CUX2: variants seen among roughly 807,000 people sequenced by gnomAD.
CUX2 encodes the protein cut like homeobox 2, also known as homeobox protein cut-like 2.
Under a neutral mutation model 144.8 loss-of-function variants are expected in CUX2, and 40 were observed. The ratio of observed to expected loss-of-function variants is 0.28; its 90% CI spans 0.21 to 0.36. CUX2 has a LOEUF of 0.36. CUX2 is among the 10% of genes least tolerant of loss of function. The pLI, the probability that CUX2 is intolerant of heterozygous loss-of-function variation, is 1.00. For missense variants in CUX2, 1,615 were observed against 1,994.0 expected (o/e 0.81, Z 3.62); for synonymous variants, 827 against 875.6 (o/e 0.94, Z 0.98).
intron 1 of CUX2, among the ~76,000 whole-genome samples, chr12:111,104,815 A>G (rs1018663949): frequency 1.3e-5 from 2 of 152,196 alleles, no homozygotes; most frequent in African/African-American, 4.8e-5. Context: ...ACCAAGAGTC[A>G]GATTGGCCCC....
chr12:111,291,801 A>C (rs953587373), intron 5 of CUX2, among the ~76,000 whole-genome samples: 2 of 152,136 alleles, frequency 1.3e-5, no homozygotes, highest in Admixed American at 6.5e-5. Context: ...TGAACAAATT[A>C]GTAAGACTCA....
At chr12:111,316,617 T>A (rs190538294) in intron 16 of CUX2, among the ~76,000 whole-genome samples, 7,737 of 151,694 alleles carry the variant, frequency 0.051, 209 homozygotes, top group South Asian at 0.09. Flanking sequence ...GCCCAGCTAA[T>A]TTTTGTATTT....
chr12:111,329,944 C>T (rs991854469), intron 18 of CUX2, among the ~76,000 whole-genome samples: 5 of 152,216 alleles, frequency 3.3e-5, no homozygotes, highest in South Asian at 2.1e-4. Context: ...GCCCAAAGAC[C>T]GTCAGTTTTC....
intron 1 of CUX2, among the ~76,000 whole-genome samples, chr12:111,172,298 T>C (rs1433446171): frequency 1.3e-5 from 2 of 152,140 alleles, no homozygotes; most frequent in African/African-American, 4.8e-5. Context: ...AAACAATTAT[T>C]GGAATTTAGG....
At chr12:111,338,542 G>A in intron 20 of CUX2, 68 bp downstream of exon 20, 1 of 1,467,754 alleles carries the variant, frequency 6.8e-7, no homozygotes, top group Non-Finnish European at 9.3e-7. Context: ...ATATCTAGCT[G>A]TAACCCACAT....
chr12:111,130,656 T>A (rs1875411695), intron 1 of CUX2, among the ~76,000 whole-genome samples: 1 of 152,272 alleles, frequency 6.6e-6, no homozygotes, highest in African/African-American at 2.4e-5. Context: ...TCCTTCCCAG[T>A]GTGGGTGCAT....
At chr12:111,334,880 G>A (rs1237191018) in intron 19 of CUX2, among the ~76,000 whole-genome samples, 170 bp downstream of exon 19, 1 of 152,194 alleles carries the variant, frequency 6.6e-6, no homozygotes, top group Non-Finnish European at 1.5e-5. Flanking sequence ...GCCAACCTGG[G>A]CAGCATAGCA....
At chr12:111,236,800 T>C (rs991393499) in intron 3 of CUX2, among the ~76,000 whole-genome samples, 12 of 152,372 alleles carry the variant, frequency 7.9e-5, no homozygotes, top group Admixed American at 6.5e-4. Context: ...TGCGTTTTAG[T>C]ATTCTTTTCC....
intron 18 of CUX2, among the ~76,000 whole-genome samples, chr12:111,324,078 T>C (rs1030380324): frequency 7.9e-5 from 12 of 151,696 alleles, no homozygotes; most frequent in Non-Finnish European, 1.3e-4. Flanking sequence ...AGGCCGGGTG[T>C]GATGGCTCAC....
intron 19 of CUX2, among the ~76,000 whole-genome samples, chr12:111,334,999 G>A (rs549729190): frequency 2.0e-5 from 3 of 152,336 alleles, no homozygotes; most frequent in East Asian, 3.9e-4. Context: ...GGAGCCTGAG[G>A]CAGGAGAATC....
chr12:111,346,337 A>G (rs1423919151), intron 21 of CUX2, among the ~76,000 whole-genome samples: 1 of 151,748 alleles, frequency 6.6e-6, no homozygotes, highest in Non-Finnish European at 1.5e-5. Context: ...TTAGCCTGGC[A>G]TGATGGCGCC....
At chr12:111,148,826 T>G (rs752900182) in intron 1 of CUX2, among the ~76,000 whole-genome samples, 3 of 152,096 alleles carry the variant, frequency 2.0e-5, no homozygotes, top group Middle Eastern at 3.2e-3. Flanking sequence ...GTGAGACCCC[T>G]TCTCTAAAAA....
Position 111,320,064 on chromosome 12 carries a change from C to A in CUX2, c.2055C>A (p.Pro685=). 2 of 1,551,642 alleles carry A rather than the reference C, an allele frequency of 1.3e-6. No individual in the cohort carries two copies. The highest frequency in any genetic ancestry group is 2.4e-5 in the East Asian group (1 of 42,168). Residue 685 remains proline, a synonymous_variant, in exon 17 of 22, where the codon CCC becomes CCA. Coordinates refer to ENST00000261726, the MANE Select transcript of CUX2 (RefSeq NM_015267.4). The surrounding 1 kb of genome is among the most constrained non-coding windows in gnomAD (Gnocchi z 8.1). ...TGAGCATCGCCAACGGCACGACCCC[C>A]GCCAGCACCTCGGAGGACGCCATCA... ...APLSIANGTT[P]ASTSEDAIKS... is the part of the protein sequence containing the mutation.
intron 18 of CUX2, among the ~76,000 whole-genome samples, chr12:111,329,619 AGTTTTTTGT>A (rs1888000570): frequency 1.3e-5 from 2 of 151,886 alleles, no homozygotes; most frequent in South Asian, 4.2e-4. Flanking sequence ...AAAGACCCTC[AGTTTTTTGT>A]GTTTTTTGTT....
At position 111,035,634 on chromosome 12, in the gene CUX2, C is replaced by A. The variant is rs1324671055; in HGVS notation, c.63+1394C>A. ...CCCACTTTTTTTTTTTTTTTTAATCCGCCGGCAAATCTCGTTAAGTTTCTT... is the reference window on the plus strand; with the variant it reads ...CCCACTTTTTTTTTTTTTTTTAATCAGCCGGCAAATCTCGTTAAGTTTCTT... On this transcript the variant is annotated intron_variant, in intron 1 of 21. Coordinates refer to ENST00000261726, the MANE Select transcript of CUX2 (RefSeq NM_015267.4). This position sits in a 1 kb window ranked among gnomAD's most constrained non-coding sequence, Gnocchi z 6.0. 2.2e-5 allele frequency among the ~76,000 whole-genome samples: 3 copies of A among 134,384 alleles called. No individual in the cohort carries two copies. The highest frequency in any genetic ancestry group is 4.5e-5 in the Non-Finnish European group (3 of 67,188). The allele number at this position is 134,384 out of a possible 152,430, so 88.2% of individuals were successfully genotyped here.
chr12:111,042,008 C>T (rs1052568289), intron 1 of CUX2, among the ~76,000 whole-genome samples: 4 of 152,246 alleles, frequency 2.6e-5, no homozygotes, highest in Non-Finnish European at 5.9e-5. Context: ...ACACCCCAGC[C>T]TCTGCCAGTC....
chr12:111,078,476 G>A (rs1032057807), intron 1 of CUX2, among the ~76,000 whole-genome samples: 2 of 150,870 alleles, frequency 1.3e-5, no homozygotes, highest in Non-Finnish European at 3.0e-5. Flanking sequence ...AGACCAGCCT[G>A]TCCAACATAG....
At chr12:111,108,029 G>A (rs577556726) in intron 1 of CUX2, among the ~76,000 whole-genome samples, 1 of 152,282 alleles carries the variant, frequency 6.6e-6, no homozygotes, top group Admixed American at 6.5e-5. Flanking sequence ...TGTGACGCAT[G>A]GAGTTGTTAT....
intron 1 of CUX2, among the ~76,000 whole-genome samples, chr12:111,189,225 T>A (rs756670039): frequency 3.3e-5 from 5 of 152,072 alleles, no homozygotes; most frequent in Non-Finnish European, 7.4e-5. Flanking sequence ...TGAGCCATGA[T>A]TGCACCTCTA....
Sources: allele counts gnomAD v4.1 joint callset (sites outside exome capture counted in the v4.1 genomes callset), GRCh38; gene constraint gnomAD v4.1.1; non-coding constraint Gnocchi (gnomAD v3.1); transcripts MANE v1.5; gene names NCBI Gene and HGNC (gene_info 2026-07-23, HGNC 2026-07-21).